LAMA3: variants seen among roughly 807,000 people sequenced by gnomAD.
LAMA3 encodes laminin subunit alpha-3.
LAMA3 carries 281 observed loss-of-function variants against 402.0 expected under a neutral mutation model. The observed-to-expected ratio is 0.70, with a 90% CI of 0.63 to 0.77. The LOEUF (loss-of-function observed/expected upper bound fraction) is 0.77. Among genes scored for constraint, LAMA3 ranks in the 30% least tolerant of loss-of-function variants. LAMA3 has a pLI of 0.00. For synonymous variants in LAMA3, 1,431 were observed against 1,558.4 expected (o/e 0.92, Z 1.93); for missense variants, 3,840 against 4,215.5 (o/e 0.91, Z 2.47).
intron 59 of LAMA3, among the ~76,000 whole-genome samples, chr18:23,915,888 C>A (rs1216581296): frequency 2.7e-5 from 4 of 150,882 alleles, no homozygotes; most frequent in Non-Finnish European, 5.9e-5. Context: ...TGCCTGTAGT[C>A]CCAGCCTCTT....
intron 1 of LAMA3, among the ~76,000 whole-genome samples, chr18:23,698,202 CTTTTTTTT>C (rs755879182): frequency 2.8e-5 from 3 of 108,858 alleles, no homozygotes; most frequent in African/African-American, 7.3e-5. Flanking sequence ...TCTTCTTCTT[CTTTTTTTT>C]TTTTTTTTTT....
Position 23,884,847 on chromosome 18 carries a change from G to A in LAMA3, c.5297G>A (p.Cys1766Tyr), listed in dbSNP as rs1446920901. ...AAAGCTGGGTACACAGGAACACAGTGTGAAAGGTAAGGTGGGCGCCCCTCC... is the reference window on the plus strand; with the variant it reads ...AAAGCTGGGTACACAGGAACACAGTATGAAAGGTAAGGTGGGCGCCCCTCC... The part of the protein sequence containing the change: ...SCKAGYTGTQ[C>Y]ERCAPGYFGN... The change falls in exon 41 of 75, where the codon TGT (cysteine) becomes TAT (tyrosine). Residue 1766 changes from cysteine to tyrosine, a missense_variant. Around this residue, in one of 3 missense-constraint regions of LAMA3, gnomAD observed 2,109 missense variants for 2,376.0 expected, o/e 0.89. Coordinates refer to ENST00000313654, the MANE Select transcript of LAMA3 (RefSeq NM_198129.4). 4.3e-6 allele frequency: 7 copies of A among 1,610,402 alleles called. No individual in the cohort carries two copies. Among genetic ancestry groups the A allele is most frequent in the South Asian group, 1.1e-5 (1 of 90,368 alleles).
chr18:23,747,380 A>T (rs530572710), intron 2 of LAMA3, among the ~76,000 whole-genome samples: 1 of 152,298 alleles, frequency 6.6e-6, no homozygotes, highest in African/African-American at 2.4e-5. Flanking sequence ...CAAAAGAGTG[A>T]TGAGGGCGAA....
In LAMA3 at chr18:23,833,967, A is replaced by ACATT; in HGVS notation, c.2964_2967dup (p.Tyr990HisfsTer16). The ACATT allele has an allele frequency of 6.2e-7, 1 of 1,614,244 alleles. No individual in the cohort carries two copies. Among genetic ancestry groups the ACATT allele is most frequent in the Non-Finnish European group, 8.5e-7 (1 of 1,180,042 alleles). On this transcript the variant is annotated frameshift_variant, in exon 24 of 75. Coordinates refer to ENST00000313654, the MANE Select transcript of LAMA3 (RefSeq NM_198129.4). LOFTEE classifies it high-confidence loss of function. ...GGGTCTGTTCTGGCAGGCCAGGTGA[A>ACATT]CATTTACAGCTGCAACTACAGGTAC...
Position 23,932,311 on chromosome 18 carries a change from T to C in LAMA3, c.8708+20T>C. ...CCAGAGGTAGGTGATCCTCTCTTTG[T>C]GGGTAACTGATGAGAACGGCCTGCC... is the stretch of plus-strand genomic sequence containing the variant. On this transcript the variant is annotated intron_variant, in intron 66 of 74. Coordinates refer to ENST00000313654, the MANE Select transcript of LAMA3 (RefSeq NM_198129.4). 1 of 1,613,296 alleles carries C rather than the reference T, an allele frequency of 6.2e-7. No homozygotes were observed. The highest frequency in any genetic ancestry group is 2.2e-5 in the East Asian group (1 of 44,858).
intron 52 of LAMA3, among the ~76,000 whole-genome samples, chr18:23,906,148 A>G (rs528817156): frequency 1.3e-5 from 2 of 152,206 alleles, no homozygotes; most frequent in Non-Finnish European, 2.9e-5. Context: ...CCTATCATGT[A>G]CAAAATTAAC....
At chr18:23,776,841 CTTT>C (rs34901172) in intron 10 of LAMA3, among the ~76,000 whole-genome samples, 6 of 135,856 alleles carry the variant, frequency 4.4e-5, no homozygotes, top group Non-Finnish European at 3.2e-5. Context: ...TTGTATTTGC[CTTT>C]TTTTTTTTTT....
chr18:23,855,738 C>T (rs2064062470), intron 32 of LAMA3, among the ~76,000 whole-genome samples: 1 of 152,128 alleles, frequency 6.6e-6, no homozygotes, highest in East Asian at 1.9e-4. Flanking sequence ...ATCCACTGCA[C>T]TAGAGCCATC....
intron 1 of LAMA3, chr18:23,709,809 C>G: frequency 1.5e-6 from 1 of 649,440 alleles, no homozygotes; most frequent in Non-Finnish European, 2.9e-6. Context: ...AATTAGCCAG[C>G]CAGACTCAGT....
chr18:23,833,731 G>C lies in LAMA3; in HGVS notation c.2824-97G>C, dbSNP rs1264059099. On this transcript the variant is annotated intron_variant, in intron 23 of 74. Transcript: ENST00000313654. ...GGATGACATATAAAAATACTTCCAG[G>C]GTGTCTTCTGGGCTCTATTTTCACC... 2.3e-6 allele frequency: 3 copies of C among 1,329,852 alleles called. No individual in the cohort carries two copies. In the Admixed American group the frequency reaches 5.0e-5, roughly 22 times the overall value. 82.4% of individuals were successfully genotyped at this position (1,329,852 alleles called of 1,614,324 possible).
intron 41 of LAMA3, 90 bp downstream of exon 41, chr18:23,884,943 T>C: frequency 1.1e-6 from 1 of 932,018 alleles, no homozygotes; most frequent in Non-Finnish European, 1.6e-6. Context: ...GAGCTAGGGG[T>C]GGGGCTGGGA....
At chr18:23,775,952 A>G in intron 10 of LAMA3, 29 bp downstream of exon 10, 1 of 1,613,816 alleles carries the variant, frequency 6.2e-7, no homozygotes, top group Non-Finnish European at 8.5e-7. Context: ...ACAAGAGGCC[A>G]CCCTTTTTGG....
intron 46 of LAMA3, 70 bp from the exon 47 acceptor site, chr18:23,899,217 CT>C (rs34000707): frequency 0.14 from 130,645 of 917,880 alleles, no homozygotes; most frequent in South Asian, 0.18. Context: ...AAGTTTCTAC[CT>C]TTTTTTTTTT....
chr18:23,777,609 A>G lies in LAMA3; in HGVS notation c.1458A>G (p.Gly486=). Residue 486 remains glycine (G), a synonymous_variant, in exon 11 of 75, where the codon GGA becomes GGG. Coordinates refer to ENST00000313654, the MANE Select transcript of LAMA3 (RefSeq NM_198129.4). The part of the protein sequence containing the change: ...STPSSEDPVA[G]DIKGCDCNLE... ...CAAGTTCAGAAGATCCAGTAGCTGG[A>G]GATATAAAAGGCAAGTAACCTCCCT... 1 of 1,610,374 alleles carries G rather than the reference A, an allele frequency of 6.2e-7. No individual in the cohort carries two copies. The highest frequency in any genetic ancestry group is 8.5e-7 in the Non-Finnish European group (1 of 1,176,586).
Position 23,837,001 on chromosome 18 carries a change from T to C in LAMA3, c.3005T>C (p.Val1002Ala), listed in dbSNP as rs1598889717. The C allele has an allele frequency of 6.2e-7, 1 of 1,613,864 alleles. No individual in the cohort carries two copies. Among genetic ancestry groups the C allele is most frequent in the Non-Finnish European group, 8.5e-7 (1 of 1,179,896 alleles). ...CNYSVLCRSA[V>A]IDHMSRIAMY... is the part of the protein sequence containing the mutation. ...TGCAGTGTTCTCTGCCGGAGTGCTG[T>C]GATTGATCACATGAGCCGCATCGCC... is the stretch of plus-strand genomic sequence containing the variant. Residue 1002 changes from valine (V) to alanine (A), a missense_variant, in exon 25 of 75, where the codon GTG (valine) becomes GCG (alanine). This residue lies in a region of LAMA3 where 2,109 missense variants were observed against 2,376.0 expected (regional missense o/e 0.89). Transcript: ENST00000313654.
intron 55 of LAMA3, among the ~76,000 whole-genome samples, chr18:23,911,965 T>C (rs1357655311): frequency 1.4e-5 from 2 of 144,974 alleles, no homozygotes; most frequent in African/African-American, 5.0e-5. Context: ...AATTTATGCA[T>C]TTATTATATA....
At chr18:23,920,640 C>T (rs574949787) in intron 60 of LAMA3, among the ~76,000 whole-genome samples, 4 of 152,272 alleles carry the variant, frequency 2.6e-5, no homozygotes, top group Admixed American at 6.5e-5. Flanking sequence ...TGTATCTTTT[C>T]GGTCTCCATC....
chr18:23,909,122 C>T (rs1452520336), intron 54 of LAMA3, 31 bp from the exon 55 acceptor site: 1 of 1,604,746 alleles, frequency 6.2e-7, no homozygotes, highest in African/African-American at 1.3e-5. Flanking sequence ...AATGCACAAT[C>T]TTACATTTCT....
At chr18:23,697,001 T>C (rs1251953254) in intron 1 of LAMA3, among the ~76,000 whole-genome samples, 1 of 152,210 alleles carries the variant, frequency 6.6e-6, no homozygotes, top group Admixed American at 6.5e-5. Context: ...CAAGCCACAG[T>C]AGAACTGCCT....
Sources: allele counts gnomAD v4.1 joint callset (sites outside exome capture counted in the v4.1 genomes callset), GRCh38; gene constraint gnomAD v4.1.1; regional missense constraint gnomAD v4.1.1; transcripts MANE v1.5; gene names NCBI Gene and HGNC (gene_info 2026-07-23, HGNC 2026-07-21).